The following GLIS2 variants were observed in gnomAD, a reference collection of about 807,000 sequenced individuals.
The protein encoded by GLIS2 is GLIS family zinc finger 2.
Under a neutral mutation model 35.6 loss-of-function variants are expected in GLIS2, and 14 were observed. That is an observed-to-expected ratio of 0.39 (90% confidence interval 0.26 to 0.61). The LOEUF (loss-of-function observed/expected upper bound fraction) is 0.61, where lower values mean the gene tolerates loss of function less well. Ranked by LOEUF, GLIS2 falls within the 20% of genes least tolerant of loss-of-function variation. GLIS2 has a pLI of 0.48. For synonymous variants in GLIS2, 368 were observed against 325.1 expected (o/e 1.13, Z -1.42); for missense variants, 675 against 713.4 (o/e 0.95, Z 0.61).
intron 1 of GLIS2, among the ~76,000 whole-genome samples, chr16:4,316,619 G>A (rs1293267298): frequency 6.6e-6 from 1 of 151,870 alleles, no homozygotes; most frequent in Non-Finnish European, 1.5e-5. Flanking sequence ...GGTACCCGGA[G>A]CCTGGGCATG....
intron 1 of GLIS2, among the ~76,000 whole-genome samples, chr16:4,316,506 G>T (rs2053314948): frequency 6.6e-6 from 1 of 151,652 alleles, no homozygotes; most frequent in Non-Finnish European, 1.5e-5. Context: ...CCTTCCCTCC[G>T]TCTGGAGGCC....
intron 3 of GLIS2, 148 bp downstream of exon 3, chr16:4,333,667 G>GAAGGTTCTCCCCTA: frequency 3.2e-6 from 3 of 930,760 alleles, no homozygotes; most frequent in Non-Finnish European, 4.7e-6. Flanking sequence ...AGGCTCTAGG[G>GAAGGTTCTCCCCTA]GAGAACCTTC....
chr16:4,327,930 C>T (rs1019678209), intron 1 of GLIS2, among the ~76,000 whole-genome samples: 2 of 151,834 alleles, frequency 1.3e-5, no homozygotes, highest in Admixed American at 6.5e-5. Flanking sequence ...TGGGCCCTTG[C>T]GTGTGGGGGC....
chr16:4,334,199 A>T (rs1185048935), intron 3 of GLIS2, among the ~76,000 whole-genome samples: 3 of 150,356 alleles, frequency 2.0e-5, no homozygotes, highest in African/African-American at 7.3e-5. Flanking sequence ...TCGGCCTCCC[A>T]AAGTGCTGGG....
chr16:4,322,865 C>T (rs752955493), intron 1 of GLIS2, among the ~76,000 whole-genome samples: 5 of 152,310 alleles, frequency 3.3e-5, no homozygotes, highest in African/African-American at 7.2e-5. Context: ...CCTGCCCCGA[C>T]CCCCCAGGAC....
At chr16:4,330,939 C>G (rs1275874515) in intron 1 of GLIS2, among the ~76,000 whole-genome samples, 2 of 152,194 alleles carry the variant, frequency 1.3e-5, no homozygotes, top group East Asian at 1.9e-4. Context: ...CCTGGCCCAC[C>G]CAGGGCGGAA....
rs1473660145 is a variant in GLIS2 at position 4,338,116 on chromosome 16, G to A, written c.*592G>A. 4 of 163,612 alleles carry A rather than the reference G, an allele frequency of 2.4e-5. No individual in the cohort carries two copies. Among genetic ancestry groups the A allele is most frequent in the African/African-American group, 7.2e-5 (3 of 41,542 alleles). The allele number at this position is 163,612 out of a possible 1,614,324, so 10.1% of individuals were successfully genotyped here. On this transcript the variant is annotated 3_prime_UTR_variant, in exon 7 of 7. Coordinates refer to ENST00000433375, the MANE Select transcript of GLIS2 (RefSeq NM_032575.3). The stretch of plus-strand genomic sequence containing the variant: ...GGTAGAAGCATGCCCCCCAGGACAA[G>A]GCGCCTCCCACTAGTTAGGAGGAGG...
rs2053424179 is a variant in GLIS2 at position 4,325,840 on chromosome 16, G to T, written c.-66-6375G>T. ...TGGTCCTAGCTGCTCTGCAGGCTGA[G>T]GCAGGAGGATCTCTTGAGCCTCGGC... On this transcript the variant is annotated intron_variant, in intron 1 of 6. Coordinates refer to ENST00000433375, the MANE Select transcript of GLIS2 (RefSeq NM_032575.3). 2.0e-5 allele frequency among the ~76,000 whole-genome samples: 3 copies of T among 151,006 alleles called. No homozygotes were observed. The East Asian group carries it at 5.8e-4, about 29-fold the overall frequency.
At position 4,337,770 on chromosome 16, in the gene GLIS2, C is replaced by T; in HGVS notation, c.*246C>T. ...TGAAGCCTCGCTCCTGTCTGTCCCC[C>T]ACCACCTGGCCCTCAGCTTCTGAGA... On this transcript the variant is annotated 3_prime_UTR_variant, in exon 7 of 7. Coordinates refer to ENST00000433375, the MANE Select transcript of GLIS2 (RefSeq NM_032575.3). 3.3e-6 allele frequency: 2 copies of T among 607,878 alleles called. No individual in the cohort carries two copies. Among genetic ancestry groups the T allele is most frequent in the South Asian group, 1.9e-5 (1 of 52,048 alleles). The allele number at this position is 607,878 out of a possible 1,614,324, so 37.7% of individuals were successfully genotyped here.
chr16:4,323,054 C>T (rs2053394840), intron 1 of GLIS2, among the ~76,000 whole-genome samples: 1 of 152,236 alleles, frequency 6.6e-6, no homozygotes, highest in Admixed American at 6.5e-5. Flanking sequence ...CACATTTGTG[C>T]ACAGGTGTCT....
chr16:4,328,572 C>T (rs2053462993), intron 1 of GLIS2, among the ~76,000 whole-genome samples: 2 of 152,198 alleles, frequency 1.3e-5, no homozygotes, highest in Non-Finnish European at 2.9e-5. Flanking sequence ...GCAGCTCCTT[C>T]CTTTCCCGGG....
intron 1 of GLIS2, among the ~76,000 whole-genome samples, chr16:4,324,071 G>A (rs934729934): frequency 6.6e-6 from 1 of 152,164 alleles, no homozygotes; most frequent in Non-Finnish European, 1.5e-5. Flanking sequence ...AGGACCCCAC[G>A]GCAGAGGGCA....
At chr16:4,317,076 G>T (rs2053321327) in intron 1 of GLIS2, among the ~76,000 whole-genome samples, 1 of 152,192 alleles carries the variant, frequency 6.6e-6, no homozygotes, top group Non-Finnish European at 1.5e-5. Flanking sequence ...CAGCAGGGCA[G>T]CGTGCAGCCT....
Position 4,332,254 on chromosome 16 carries a change from G to T in GLIS2, c.-27G>T, listed in dbSNP as rs2053504789. 6.2e-7 allele frequency: 1 copy of T among 1,608,390 alleles called. No homozygotes were observed. The highest frequency in any genetic ancestry group is 1.3e-5 in the African/African-American group (1 of 74,798). ...ACCAGCTGGGAGCCCACTGCCTGCT[G>T]CCACCTCCAACTCCGGCCCCCTCAC... On this transcript the variant is annotated 5_prime_UTR_variant, in exon 2 of 7. Transcript: ENST00000433375. The surrounding 1 kb of genome is among the most constrained non-coding windows in gnomAD (Gnocchi z 5.4).
rs2053308498 is a variant in GLIS2, at chr16:4,316,181, TC to T, written c.-135del. ...CCCGGCCCCCGCCCGTCCCGGCCCCTCCCCCGCTCGGCTCCCCGCGCCCCCC... is the reference window on the plus strand; with the variant it reads ...CCCGGCCCCCGCCCGTCCCGGCCCCTCCCCGCTCGGCTCCCCGCGCCCCCC... On this transcript the variant is annotated 5_prime_UTR_variant, in exon 1 of 7. Coordinates refer to ENST00000433375, the MANE Select transcript of GLIS2 (RefSeq NM_032575.3). 7.6e-6 allele frequency among the ~76,000 whole-genome samples: 1 copy of T among 131,342 alleles called. No homozygotes were observed. 86.2% of individuals were successfully genotyped at this position (131,342 alleles called of 152,430 possible).
At chr16:4,328,579 CG>C (rs2053463142) in intron 1 of GLIS2, among the ~76,000 whole-genome samples, 1 of 152,126 alleles carries the variant, frequency 6.6e-6, no homozygotes, top group Admixed American at 6.5e-5. Context: ...CTTCCTTTCC[CG>C]GGGGCAGGGA....
rs761985295 is a variant in GLIS2 at position 4,337,284 on chromosome 16, G to C, written c.1335G>C (p.Glu445Asp). ...AGAAGGKAEG[E>D]KGRGSVPTRA... ...CAGCTGGTGGCAAGGCCGAGGGGGA[G>C]AAGGGGCGTGGGTCGGTGCCCACCA... The change falls in exon 7 of 7, where the codon GAG becomes GAC. Residue 445 changes from glutamate (E) to aspartate (D), a missense_variant. Transcript: ENST00000433375. 2.2e-5 allele frequency: 34 copies of C among 1,552,370 alleles called. No individual in the cohort carries two copies. The highest frequency in any genetic ancestry group is 2.8e-5 in the Non-Finnish European group (32 of 1,149,606).
At position 4,320,193 on chromosome 16, in the gene GLIS2, G is replaced by A. The variant is rs891988290; in HGVS notation, c.-67+3939G>A. 3.9e-5 allele frequency among the ~76,000 whole-genome samples: 6 copies of A among 152,144 alleles called. No homozygotes were observed. Among genetic ancestry groups the A allele is most frequent in the Non-Finnish European group, 8.8e-5 (6 of 68,008 alleles). On this transcript the variant is annotated intron_variant, in intron 1 of 6. Transcript: ENST00000433375. The surrounding 1 kb of genome is among the most constrained non-coding windows in gnomAD (Gnocchi z 5.6). The stretch of plus-strand genomic sequence containing the variant: ...GCCTTGGCAGATGGCTGCCGGGGAA[G>A]GGACGGAGACCCAGCCCTGGCCCCT...
At position 4,337,646 on chromosome 16, in the gene GLIS2, G is replaced by C. The variant is rs577862116; in HGVS notation, c.*122G>C. 5.0e-6 allele frequency: 7 copies of C among 1,410,400 alleles called. No individual in the cohort carries two copies. The East Asian group carries it at 7.5e-5, about 15-fold the overall frequency. 87.4% of individuals were successfully genotyped at this position (1,410,400 alleles called of 1,614,324 possible). A position where few individuals can be genotyped will look rare whatever the true frequency, so the allele number is the denominator to read the frequency against. On this transcript the variant is annotated 3_prime_UTR_variant, in exon 7 of 7. Coordinates refer to ENST00000433375, the MANE Select transcript of GLIS2 (RefSeq NM_032575.3). Reference sequence around the variant, plus strand: ...TGCCCGGGCAGCCCCAGCCCAGCCCGCCGGGAGCAAGGATGGTGCTAGGTC... The same window carrying C: ...TGCCCGGGCAGCCCCAGCCCAGCCCCCCGGGAGCAAGGATGGTGCTAGGTC...
Sources: gnomAD v4.1 joint callset for allele counts (sites outside exome capture counted in the v4.1 genomes callset) on GRCh38, gnomAD v4.1.1 for gene constraint, Gnocchi (gnomAD v3.1) non-coding constraint, MANE v1.5 for transcripts, NCBI Gene and HGNC (gene_info 2026-07-23, HGNC 2026-07-21) for gene names.